The following UPP2 variants were observed in gnomAD, a reference collection of about 807,000 sequenced individuals.
UPP2 encodes the protein uridine phosphorylase 2, also known as UPase 2.
Under a neutral mutation model 26.7 loss-of-function variants are expected in UPP2, and 23 were observed. The ratio of observed to expected loss-of-function variants is 0.86; its 90% CI spans 0.62 to 1.22. The LOEUF is 1.22. Among genes scored for constraint, UPP2 ranks in the 50% most tolerant of loss-of-function variants. The pLI, the probability that UPP2 is intolerant of heterozygous loss-of-function variation, is 0.00. For missense variants in UPP2, 387 were observed against 396.7 expected (o/e 0.98, Z 0.21); for synonymous variants, 127 against 141.3 (o/e 0.90, Z 0.72).
At chr2:158,068,804 T>A (rs13415506) in intron 3 of UPP2, among the ~76,000 whole-genome samples, 478 of 14,270 alleles carry the variant, frequency 0.033, no homozygotes, top group East Asian at 0.088. Context: ...ATATATATAT[T>A]TTTTTTTTTT....
intron 6 of UPP2, chr2:158,127,866 G>A: frequency 2.9e-6 from 1 of 350,040 alleles, no homozygotes; most frequent in Non-Finnish European, 4.0e-6. Context: ...TAAATTTTCA[G>A]CATAATGTAA....
At chr2:158,119,852 A>G (rs1574305150) in intron 4 of UPP2, among the ~76,000 whole-genome samples, 2 of 151,672 alleles carry the variant, frequency 1.3e-5, no homozygotes, top group East Asian at 3.9e-4. Flanking sequence ...TCTACTAAAA[A>G]TACAAAAAAT....
chr2:158,076,161 A>G (rs1197822528), intron 3 of UPP2, among the ~76,000 whole-genome samples: 1 of 152,038 alleles, frequency 6.6e-6, no homozygotes, highest in African/African-American at 2.4e-5. Context: ...AATAACAACA[A>G]GATCGAAGTT....
intron 3 of UPP2, among the ~76,000 whole-genome samples, chr2:158,031,776 A>G (rs1419114933): frequency 6.6e-6 from 1 of 152,264 alleles, no homozygotes; most frequent in Non-Finnish European, 1.5e-5. Context: ...GCCACAATCC[A>G]GGTGACTGCA....
chr2:158,135,033 A>G lies in UPP2; in HGVS notation c.*143A>G. On this transcript the variant is annotated 3_prime_UTR_variant, in exon 7 of 7. Coordinates refer to ENST00000005756, the MANE Select transcript of UPP2 (RefSeq NM_173355.4). The stretch of plus-strand genomic sequence containing the variant: ...AGACTTTATGAAATCCTTCTCTCTT[A>G]AAAAGGAATTTATTGTAAAAGAATA... 9.9e-7 allele frequency: 1 copy of G among 1,015,104 alleles called. No individual in the cohort carries two copies. 62.9% of individuals were successfully genotyped at this position (1,015,104 alleles called of 1,614,324 possible).
intron 2 of UPP2, among the ~76,000 whole-genome samples, chr2:158,113,168 C>A (rs752542162): frequency 2.0e-5 from 3 of 152,106 alleles, no homozygotes; most frequent in Non-Finnish European, 4.4e-5. Flanking sequence ...AAATTCCTGT[C>A]GATTATAGCA....
chr2:158,052,956 C>T (rs994763635), intron 3 of UPP2, among the ~76,000 whole-genome samples: 16 of 152,174 alleles, frequency 1.1e-4, no homozygotes, highest in Non-Finnish European at 2.4e-4. Flanking sequence ...CAGATTTGGC[C>T]TGAGGGCTGT....
At chr2:158,023,858 T>G (rs1466662099) in intron 3 of UPP2, among the ~76,000 whole-genome samples, 1 of 152,250 alleles carries the variant, frequency 6.6e-6, no homozygotes, top group East Asian at 1.9e-4. Flanking sequence ...CAGCAAACAT[T>G]TGGGTTGTCA....
At chr2:158,101,866 C>T (rs6739665), upstream of UPP2, 55,486 of 1,342,030 alleles carry the variant, frequency 0.041, 3,398 homozygotes, top group African/African-American at 0.27. Flanking sequence ...GGGAGGACAT[C>T]TTTTATTTGA....
intron 3 of UPP2, among the ~76,000 whole-genome samples, chr2:158,093,788 T>A (rs1682946643): frequency 6.6e-6 from 1 of 152,008 alleles, no homozygotes. Context: ...GGTAAAACTA[T>A]TAGGTAGGGC....
chr2:158,022,909 T>C lies in UPP2; in HGVS notation c.147+7023T>C, dbSNP rs546635298. On this transcript the variant is annotated intron_variant, in intron 3 of 9. Coordinates refer to the UPP2 transcript ENST00000605860. The stretch of plus-strand genomic sequence containing the variant: ...GGGATACAGGCATAAAAGCAGATGA[T>C]TATAATGTCACAGGTTAAGAACTGA... Among the ~76,000 whole-genome samples the C allele has an allele frequency of 1.8e-4, 28 of 152,236 alleles. No individual in the cohort carries two copies. In the South Asian group the frequency reaches 4.2e-3, roughly 23 times the overall value.
At chr2:158,020,636 G>T (rs955227768) in intron 3 of UPP2, among the ~76,000 whole-genome samples, 5 of 152,202 alleles carry the variant, frequency 3.3e-5, no homozygotes, top group Non-Finnish European at 7.3e-5. Context: ...GCTGAAGCAG[G>T]GATGGAAATC....
chr2:158,091,867 A>G (rs887965776), intron 3 of UPP2, among the ~76,000 whole-genome samples: 1 of 152,226 alleles, frequency 6.6e-6, no homozygotes, highest in Non-Finnish European at 1.5e-5. Flanking sequence ...GATCAAAATA[A>G]TGGCATGATC....
intron 1 of UPP2, among the ~76,000 whole-genome samples, chr2:158,105,467 C>A (rs1055734063): frequency 3.3e-5 from 5 of 152,102 alleles, no homozygotes; most frequent in African/African-American, 4.8e-5. Flanking sequence ...ACATCAGGAC[C>A]AATGAGGAGC....
intron 3 of UPP2, among the ~76,000 whole-genome samples, chr2:158,058,271 C>A (rs1244854334): frequency 7.2e-6 from 1 of 139,826 alleles, no homozygotes; most frequent in Non-Finnish European, 1.5e-5. Flanking sequence ...CCAGCCTGGG[C>A]GACAGAGCGA....
chr2:158,010,513 TCA>T (rs965820039), intron 2 of UPP2, among the ~76,000 whole-genome samples: 1 of 152,224 alleles, frequency 6.6e-6, no homozygotes, highest in African/African-American at 2.4e-5. Context: ...TGTTGCATTT[TCA>T]CAGTTACGGG....
At chr2:158,063,905 G>T (rs1391946642) in intron 3 of UPP2, among the ~76,000 whole-genome samples, 1 of 152,150 alleles carries the variant, frequency 6.6e-6, no homozygotes, top group Non-Finnish European at 1.5e-5. Context: ...CTTCATCTTT[G>T]TCCCTGCAAA....
At chr2:157,995,730 C>G (rs1227364507) in intron 2 of UPP2, among the ~76,000 whole-genome samples, 2 of 152,052 alleles carry the variant, frequency 1.3e-5, no homozygotes, top group African/African-American at 4.8e-5. Flanking sequence ...CACACATACA[C>G]AGACTTACAA....
At chr2:158,025,952 A>C (rs1307191597) in intron 3 of UPP2, among the ~76,000 whole-genome samples, 1 of 152,174 alleles carries the variant, frequency 6.6e-6, no homozygotes, top group Non-Finnish European at 1.5e-5. Context: ...CGTCTGGAAG[A>C]AGCAGCCCCG....
Sources: allele counts gnomAD v4.1 joint callset (sites outside exome capture counted in the v4.1 genomes callset), GRCh38; gene constraint gnomAD v4.1.1; transcripts MANE v1.5; gene names NCBI Gene and HGNC (gene_info 2026-07-23, HGNC 2026-07-21).